The following PALD1 variants were observed in gnomAD, a reference collection of about 807,000 sequenced individuals.
The protein encoded by PALD1 is paladin.
Under a neutral mutation model 96.0 loss-of-function variants are expected in PALD1, and 57 were observed. The ratio of observed to expected loss-of-function variants is 0.59; its 90% CI spans 0.48 to 0.74. The LOEUF (loss-of-function observed/expected upper bound fraction) is 0.74. Among genes scored for constraint, PALD1 ranks in the 30% least tolerant of loss-of-function variants. PALD1 has a pLI of 0.00. For synonymous variants in PALD1, 464 were observed against 473.6 expected, an observed-to-expected ratio of 0.98 and a Z score of 0.26; for missense variants, 1,063 against 1,143.7, an observed-to-expected ratio of 0.93 and a Z score of 1.02.
intron 1 of PALD1, among the ~76,000 whole-genome samples, chr10:70,497,761 G>A (rs573531770): frequency 1.2e-4 from 19 of 152,002 alleles, no homozygotes; most frequent in African/African-American, 4.1e-4. Context: ...ATTTTTAGTA[G>A]AAACAGCGTT....
At chr10:70,545,302 GC>G (rs1481181721) in intron 17 of PALD1, among the ~76,000 whole-genome samples, 1 of 152,144 alleles carries the variant, frequency 6.6e-6, no homozygotes, top group African/African-American at 2.4e-5. Flanking sequence ...AGAGATCAAA[GC>G]CCGGGGATTA....
intron 1 of PALD1, among the ~76,000 whole-genome samples, chr10:70,489,996 G>A (rs1248457629): frequency 6.6e-6 from 1 of 151,782 alleles, no homozygotes; most frequent in Non-Finnish European, 1.5e-5. Context: ...GATCTCGGCT[G>A]ATGGCAACCT....
At chr10:70,547,267 C>T (rs1285385072) in intron 17 of PALD1, 39 bp from the exon 18 acceptor site, 1 of 1,605,164 alleles carries the variant, frequency 6.2e-7, no homozygotes, top group Admixed American at 1.7e-5. Context: ...AGGGCTCTTA[C>T]CAGTTTTATG....
At chr10:70,520,892 A>C (rs182424368) in intron 1 of PALD1, among the ~76,000 whole-genome samples, 1 of 151,444 alleles carries the variant, frequency 6.6e-6, no homozygotes, top group Non-Finnish European at 1.5e-5. Flanking sequence ...GGGTTTTGCC[A>C]TGTTGGCCAA....
intron 1 of PALD1, among the ~76,000 whole-genome samples, chr10:70,513,756 C>T (rs551633146): frequency 2.6e-5 from 4 of 152,314 alleles, no homozygotes; most frequent in Admixed American, 2.0e-4. Flanking sequence ...CCTCAAAATG[C>T]TCATTACAGC....
At chr10:70,534,687 C>T (rs1313926272) in intron 9 of PALD1, 52 bp from the exon 10 acceptor site, 1 of 1,352,410 alleles carries the variant, frequency 7.4e-7, no homozygotes, top group African/African-American at 1.4e-5. Context: ...TGCCTTGACC[C>T]TGCTCCCCAC....
chr10:70,501,813 C>CTGTGTGTGTG (rs71012209), intron 1 of PALD1, among the ~76,000 whole-genome samples: 1,630 of 139,206 alleles, frequency 0.012, 23 homozygotes, highest in Admixed American at 0.027. Context: ...CATTTTTACT[C>CTGTGTGTGTG]TGTGTGTGTG....
intron 2 of PALD1, among the ~76,000 whole-genome samples, chr10:70,528,217 C>T (rs1289192049): frequency 2.6e-5 from 4 of 152,198 alleles, no homozygotes; most frequent in Admixed American, 6.5e-5. Flanking sequence ...CTGTCATATT[C>T]ATTGTTATCA....
chr10:70,534,703 C>T (rs536296823), intron 9 of PALD1, 36 bp from the exon 10 acceptor site: 1 of 1,347,554 alleles, frequency 7.4e-7, no homozygotes, highest in South Asian at 1.2e-5. Context: ...CCCACCCCCC[C>T]ACCTCCCTCT....
intron 1 of PALD1, among the ~76,000 whole-genome samples, chr10:70,508,420 C>T (rs1846437834): frequency 6.6e-6 from 1 of 152,148 alleles, no homozygotes; most frequent in South Asian, 2.1e-4. Flanking sequence ...AGTTGGGGAG[C>T]AGCAGGTTGG....
In PALD1 at chr10:70,538,907, G is replaced by A. The variant is rs2132392812; in HGVS notation, c.1468G>A (p.Val490Ile). ...CTCCCCACAGCGGGAGGACGATCTG[G>A]TCTCCCCGGACGCGCTCAGCACTGT... ...ARGSLREDDL[V>I]SPDALSTVRE... The change falls in exon 13 of 20, where the codon GTC (valine) becomes ATC (isoleucine). Residue 490 changes from valine (V) to isoleucine (I), a missense_variant. By Grantham distance (29) the Val-to-Ile change is conservative. Transcript: ENST00000263563. The A allele has an allele frequency of 6.2e-7, 1 of 1,613,486 alleles. No homozygotes were observed. The highest frequency in any genetic ancestry group is 8.5e-7 in the Non-Finnish European group (1 of 1,179,892).
chr10:70,485,272 A>C (rs1846000292), intron 1 of PALD1: 1 of 152,308 alleles, frequency 6.6e-6, no homozygotes, highest in African/African-American at 2.4e-5. Context: ...AGGTATGTTT[A>C]TTCCCTGTTA....
chr10:70,505,795 C>T (rs534268140), intron 1 of PALD1, among the ~76,000 whole-genome samples: 4 of 151,710 alleles, frequency 2.6e-5, no homozygotes, highest in South Asian at 2.1e-4. Flanking sequence ...CTGAGGTGGG[C>T]GGGTCACTTG....
chr10:70,557,432 T>C (rs1252087641), intron 18 of PALD1, among the ~76,000 whole-genome samples: 1 of 152,176 alleles, frequency 6.6e-6, no homozygotes, highest in Non-Finnish European at 1.5e-5. Flanking sequence ...CTGAACAGCG[T>C]CTGTTGAACT....
At chr10:70,469,525 T>A in the PALD1 span, among the ~76,000 whole-genome samples, 2 of 152,098 alleles carry the variant, frequency 1.3e-5, no homozygotes, top group Non-Finnish European at 2.9e-5. Flanking sequence ...CTGAGTTTGC[T>A]GTAGAGGTGA....
chr10:70,526,033 G>T lies in PALD1; in HGVS notation c.82G>T (p.Asp28Tyr), dbSNP rs959021177. ...GGGCCTACAGGGCAGTGGCACGATG[G>T]ACAGTCGGCACTCCGTCAGCATCCA... is the stretch of plus-strand genomic sequence containing the variant. ...FEGLQGSGTM[D>Y]SRHSVSIHSF... Residue 28 changes from aspartate (D) to tyrosine (Y), a missense_variant, in exon 2 of 20, where the codon GAC (aspartate) becomes TAC (tyrosine). Transcript: ENST00000263563. The T allele has an allele frequency of 6.2e-7, 1 of 1,614,150 alleles. No homozygotes were observed. The highest frequency in any genetic ancestry group is 8.5e-7 in the Non-Finnish European group (1 of 1,180,008).
intron 1 of PALD1, among the ~76,000 whole-genome samples, chr10:70,524,436 C>T (rs572477409): frequency 6.6e-6 from 1 of 152,310 alleles, no homozygotes; most frequent in South Asian, 2.1e-4. Context: ...CTTGACCAGC[C>T]CTTAAAAGAT....
At chr10:70,467,699 A>G in the PALD1 span, among the ~76,000 whole-genome samples, 1 of 152,178 alleles carries the variant, frequency 6.6e-6, no homozygotes, top group Admixed American at 6.5e-5. Flanking sequence ...CATTTGTAAA[A>G]TGAGGATAGC....
intron 2 of PALD1, 81 bp downstream of exon 2, chr10:70,526,217 A>G (rs1352882955): frequency 7.9e-6 from 9 of 1,144,616 alleles, no homozygotes; most frequent in African/African-American, 3.0e-5. Flanking sequence ...AGTGGCATAC[A>G]GCACTTAACG....
Sources: gnomAD v4.1 joint callset for allele counts (sites outside exome capture counted in the v4.1 genomes callset) on GRCh38, gnomAD v4.1.1 for gene constraint, MANE v1.5 for transcripts, NCBI Gene and HGNC (gene_info 2026-07-23, HGNC 2026-07-21) for gene names.